Variants in NELL1 observed in about 807,000 individuals in gnomAD.
The protein encoded by NELL1 is protein kinase C-binding protein NELL1.
In NELL1, 76 loss-of-function variants were observed where a neutral mutation model predicts 107.4. The ratio of observed to expected loss-of-function variants is 0.71; its 90% CI spans 0.59 to 0.86. The LOEUF (loss-of-function observed/expected upper bound fraction) is 0.86, where lower values mean the gene tolerates loss of function less well. Ranked by LOEUF, NELL1 falls within the 40% of genes least tolerant of loss-of-function variation. The pLI is 0.00. For missense variants in NELL1, 1,024 were observed against 1,005.5 expected (o/e 1.02, Z -0.25); for synonymous variants, 353 against 341.2 (o/e 1.03, Z -0.38).
At chr11:20,798,685 C>T (rs896897153) in intron 3 of NELL1, among the ~76,000 whole-genome samples, 3 of 152,310 alleles carry the variant, frequency 2.0e-5, no homozygotes, top group Middle Eastern at 3.4e-3. Context: ...CTCAGGCTGT[C>T]AGAACATTGG....
intron 2 of NELL1, among the ~76,000 whole-genome samples, chr11:20,756,834 C>G (rs1278502711): frequency 3.9e-5 from 6 of 152,184 alleles, no homozygotes; most frequent in Non-Finnish European, 8.8e-5. Context: ...AACCATTGCA[C>G]TAGACTCCAT....
chr11:21,540,491 A>T (rs1270760010), intron 16 of NELL1, among the ~76,000 whole-genome samples: 1 of 152,074 alleles, frequency 6.6e-6, no homozygotes, highest in Non-Finnish European at 1.5e-5. Flanking sequence ...ACTATAAGGA[A>T]CTTCCTGAGA....
chr11:21,548,070 T>C (rs1490460415), intron 16 of NELL1, among the ~76,000 whole-genome samples: 1 of 151,880 alleles, frequency 6.6e-6, no homozygotes, highest in African/African-American at 2.4e-5. Flanking sequence ...TATCAAACTA[T>C]TCATTTAGCT....
intron 14 of NELL1, among the ~76,000 whole-genome samples, chr11:21,303,043 A>G (rs2133627025): frequency 6.6e-6 from 1 of 151,278 alleles, no homozygotes; most frequent in African/African-American, 2.4e-5. Context: ...CCTGGGCACA[A>G]GAGCAAGACC....
intron 14 of NELL1, among the ~76,000 whole-genome samples, chr11:21,293,984 A>G (rs1407022136): frequency 6.6e-6 from 1 of 152,080 alleles, no homozygotes; most frequent in Non-Finnish European, 1.5e-5. Flanking sequence ...AATGTAGATG[A>G]GTTGATGAGT....
At chr11:20,831,391 CA>C (rs1858006096) in intron 3 of NELL1, among the ~76,000 whole-genome samples, 1 of 152,160 alleles carries the variant, frequency 6.6e-6, no homozygotes, top group African/African-American at 2.4e-5. Context: ...AAAGTGTTTA[CA>C]ATGGCTCTGC....
chr11:20,885,335 G>T, intron 4 of NELL1, 109 bp from the exon 5 acceptor site: 1 of 708,366 alleles, frequency 1.4e-6, no homozygotes. Context: ...GCCACATATT[G>T]GCTTCTCTTC....
intron 12 of NELL1, among the ~76,000 whole-genome samples, chr11:20,963,545 T>C (rs1205042504): frequency 1.3e-5 from 2 of 152,096 alleles, no homozygotes; most frequent in African/African-American, 2.4e-5. Context: ...TATGATTACA[T>C]TTAGATGAAT....
chr11:20,930,186 A>G (rs1011032734), intron 9 of NELL1, among the ~76,000 whole-genome samples: 5 of 152,070 alleles, frequency 3.3e-5, no homozygotes, highest in Non-Finnish European at 7.3e-5. Flanking sequence ...TTGGCTTAAC[A>G]TTTTGAAAAC....
intron 12 of NELL1, among the ~76,000 whole-genome samples, chr11:20,968,164 T>C (rs949743551): frequency 2.2e-4 from 34 of 152,238 alleles, no homozygotes; most frequent in African/African-American, 8.2e-4. Context: ...TGATTTAATG[T>C]ATTTTCTTTG....
intron 12 of NELL1, among the ~76,000 whole-genome samples, chr11:21,002,880 C>T (rs1294203304): frequency 6.6e-6 from 1 of 152,138 alleles, no homozygotes; most frequent in African/African-American, 2.4e-5. Flanking sequence ...ATTCTAGGAG[C>T]ATCCATGAAT....
intron 11 of NELL1, among the ~76,000 whole-genome samples, chr11:20,948,991 A>G (rs917124929): frequency 6.6e-6 from 1 of 151,976 alleles, no homozygotes; most frequent in Non-Finnish European, 1.5e-5. Context: ...GGGTGGCAAA[A>G]ATTCTTTATA....
In NELL1 at chr11:21,562,024, G is replaced by A. The variant is rs1305163034; in HGVS notation, c.1980+1642G>A. On this transcript the variant is annotated intron_variant, in intron 17 of 19. Transcript: ENST00000357134. ...ACTATTGTGTTATTAAACTTTTGAG[G>A]ATGATCATTACATATCCTCACATCC... Among the ~76,000 whole-genome samples, 3 of 152,028 alleles carry A rather than the reference G, an allele frequency of 2.0e-5. No individual in the cohort carries two copies. In the East Asian group the frequency reaches 5.9e-4, roughly 30 times the overall value.
chr11:21,418,501 G>A (rs1173805772), intron 15 of NELL1, among the ~76,000 whole-genome samples: 1 of 150,304 alleles, frequency 6.7e-6, no homozygotes, highest in Non-Finnish European at 1.5e-5. Flanking sequence ...ATGGAATTTG[G>A]GGTGGCAGAG....
At chr11:21,100,173 C>T (rs144096060) in intron 12 of NELL1, among the ~76,000 whole-genome samples, 120 of 152,066 alleles carry the variant, frequency 7.9e-4, no homozygotes, top group Non-Finnish European at 1.5e-3. Context: ...TGCAGCACCA[C>T]GCCTGGATAA....
chr11:20,693,956 C>A (rs796617059), intron 2 of NELL1, among the ~76,000 whole-genome samples: 4 of 151,896 alleles, frequency 2.6e-5, no homozygotes, highest in African/African-American at 9.7e-5. Flanking sequence ...TTCACATAGT[C>A]CCATATTTCT....
chr11:21,443,202 T>C (rs949139234), intron 15 of NELL1, among the ~76,000 whole-genome samples: 1 of 152,030 alleles, frequency 6.6e-6, no homozygotes, highest in African/African-American at 2.4e-5. Flanking sequence ...TAGACCAAAC[T>C]CATCGTTTTA....
intron 2 of NELL1, among the ~76,000 whole-genome samples, chr11:20,728,685 C>T (rs11025721): frequency 0.053 from 8,094 of 151,496 alleles, 370 homozygotes; most frequent in East Asian, 0.22. Flanking sequence ...TGTTTTTGTA[C>T]CAGTATCATG....
chr11:21,109,786 T>C (rs1439748928), intron 12 of NELL1, among the ~76,000 whole-genome samples: 2 of 152,122 alleles, frequency 1.3e-5, no homozygotes, highest in Non-Finnish European at 2.9e-5. Context: ...TTTCTGAAGA[T>C]TGTTTTCTCA....
Sources: gnomAD v4.1 joint callset for allele counts (sites outside exome capture counted in the v4.1 genomes callset) on GRCh38, gnomAD v4.1.1 for gene constraint, MANE v1.5 for transcripts, NCBI Gene and HGNC (gene_info 2026-07-23, HGNC 2026-07-21) for gene names.